The following BCKDHB variants were observed in gnomAD, a reference collection of about 807,000 sequenced individuals.
BCKDHB encodes the protein branched chain keto acid dehydrogenase E1 subunit beta, also known as 2-oxoisovalerate dehydrogenase subunit beta, mitochondrial.
In BCKDHB, 41 loss-of-function variants were observed where a neutral mutation model predicts 48.5. The ratio of observed to expected loss-of-function variants is 0.85; its 90% CI spans 0.66 to 1.10. The LOEUF (loss-of-function observed/expected upper bound fraction) is 1.10. BCKDHB is among the 50% of genes least tolerant of loss of function. BCKDHB has a pLI of 0.00. For missense variants in BCKDHB, 496 were observed against 494.2 expected (o/e 1.00, Z -0.03); for synonymous variants, 201 against 174.8 (o/e 1.15, Z -1.18).
In BCKDHB at chr6:80,167,895, A is replaced by G; in HGVS notation, c.477+84A>G. 3 of 1,327,202 alleles carry G rather than the reference A, an allele frequency of 2.3e-6. No individual in the cohort carries two copies. The South Asian group carries it at 3.7e-5, about 16-fold the overall frequency. 82.2% of individuals were successfully genotyped at this position (1,327,202 alleles called of 1,614,324 possible). On this transcript the variant is annotated intron_variant, in intron 4 of 9. Coordinates refer to ENST00000320393, the MANE Select transcript of BCKDHB (RefSeq NM_183050.4). ...TACCCTTCCACCCACCCTTACCTGC[A>G]TTCTAAACATTTTATTATCCTTTTA... is the stretch of plus-strand genomic sequence containing the variant.
intron 3 of BCKDHB, among the ~76,000 whole-genome samples, chr6:80,140,446 T>C (rs1019535270): frequency 1.3e-5 from 2 of 150,932 alleles, no homozygotes; most frequent in African/African-American, 4.9e-5. Context: ...GGGTTTGTCA[T>C]CGATAGCTCT....
chr6:80,430,022 ATT>A, the BCKDHB span, among the ~76,000 whole-genome samples: 1 of 152,174 alleles, frequency 6.6e-6, no homozygotes, highest in Non-Finnish European at 1.5e-5. Flanking sequence ...AGCTCTTACT[ATT>A]TTGAGATACG....
chr6:80,136,371 T>C (rs758409409), intron 3 of BCKDHB, among the ~76,000 whole-genome samples: 3 of 152,140 alleles, frequency 2.0e-5, no homozygotes, highest in Non-Finnish European at 2.9e-5. Flanking sequence ...GAAAGGACAG[T>C]CTTTTCAACA....
the BCKDHB span, among the ~76,000 whole-genome samples, chr6:80,409,353 C>G: frequency 6.6e-6 from 1 of 151,062 alleles, no homozygotes; most frequent in African/African-American, 2.5e-5. Context: ...AATGTATATT[C>G]TGTTGATTTG....
intron 6 of BCKDHB, among the ~76,000 whole-genome samples, chr6:80,188,775 G>A (rs1773765057): frequency 6.6e-6 from 1 of 152,060 alleles, no homozygotes; most frequent in Non-Finnish European, 1.5e-5. Flanking sequence ...ACCTGCACAT[G>A]TACCCTTGAA....
intron 6 of BCKDHB, among the ~76,000 whole-genome samples, chr6:80,191,065 C>G (rs1761378547): frequency 6.6e-6 from 1 of 152,144 alleles, no homozygotes; most frequent in Admixed American, 6.5e-5. Context: ...ATGGTAGCAG[C>G]TTCCTGATCC....
chr6:80,195,833 C>A (rs1774105536), intron 6 of BCKDHB, among the ~76,000 whole-genome samples: 1 of 152,160 alleles, frequency 6.6e-6, no homozygotes, highest in African/African-American at 2.4e-5. Flanking sequence ...TTTAACAAAC[C>A]AGACAGGCTT....
At chr6:80,449,546 G>T in the BCKDHB span, among the ~76,000 whole-genome samples, 1 of 152,118 alleles carries the variant, frequency 6.6e-6, no homozygotes, top group African/African-American at 2.4e-5. Flanking sequence ...ACGTTAACTT[G>T]TTCTCTATTC....
At chr6:80,183,732 G>T (rs1773517517) in intron 6 of BCKDHB, among the ~76,000 whole-genome samples, 3 of 152,040 alleles carry the variant, frequency 2.0e-5, no homozygotes, top group Admixed American at 6.6e-5. Flanking sequence ...AATTTTCTGT[G>T]CTTCATCTGT....
chr6:80,169,725 T>G, intron 5 of BCKDHB: 1 of 1,257,816 alleles, frequency 8.0e-7, no homozygotes, highest in Non-Finnish European at 1.1e-6. Context: ...AATCCAGAGA[T>G]GTATATTTGT....
chr6:80,357,496 C>T, the BCKDHB span, among the ~76,000 whole-genome samples: 1 of 152,090 alleles, frequency 6.6e-6, no homozygotes, highest in Non-Finnish European at 1.5e-5. Context: ...CCTCTCTTGA[C>T]ATAGAGAAGG....
intron 3 of BCKDHB, among the ~76,000 whole-genome samples, chr6:80,166,677 CAT>C (rs896755987): frequency 2.6e-5 from 4 of 151,538 alleles, no homozygotes; most frequent in Admixed American, 2.6e-4. Flanking sequence ...AAAATTCTAA[CAT>C]AAGAATTTTT....
chr6:80,385,865 T>C, the BCKDHB span, among the ~76,000 whole-genome samples: 8 of 152,188 alleles, frequency 5.3e-5, no homozygotes, highest in Non-Finnish European at 1.2e-4. Flanking sequence ...GGAAGCAACA[T>C]AGAGTTGGAT....
chr6:80,285,301 TGAA>T (rs939891896), intron 9 of BCKDHB, among the ~76,000 whole-genome samples: 1 of 152,186 alleles, frequency 6.6e-6, no homozygotes, highest in African/African-American at 2.4e-5. Flanking sequence ...ATTAAAATAA[TGAA>T]GTACTGCATA....
intron 1 of BCKDHB, among the ~76,000 whole-genome samples, chr6:80,116,269 C>A (rs962574215): frequency 2.0e-5 from 3 of 152,228 alleles, no homozygotes; most frequent in African/African-American, 7.2e-5. Context: ...ATTTGCCCCC[C>A]TCCTGCAGTT....
intron 1 of BCKDHB, among the ~76,000 whole-genome samples, chr6:80,111,227 A>G (rs538040188): frequency 8.5e-4 from 130 of 152,324 alleles, no homozygotes; most frequent in Non-Finnish European, 1.4e-3. Flanking sequence ...ATTTGTATTG[A>G]AAAGAAACTG....
chr6:80,353,286 ATCTTT>A, the BCKDHB span, among the ~76,000 whole-genome samples: 1 of 152,160 alleles, frequency 6.6e-6, no homozygotes, highest in Non-Finnish European at 1.5e-5. Flanking sequence ...TATAATCACC[ATCTTT>A]TCTTTATCCA....
chr6:80,321,979 G>C (rs1207118017), intron 9 of BCKDHB, among the ~76,000 whole-genome samples: 1 of 152,048 alleles, frequency 6.6e-6, no homozygotes, highest in African/African-American at 2.4e-5. Context: ...CCTTTTCTGA[G>C]CACAAGAGAA....
At chr6:80,110,730 G>T (rs1769368161) in intron 1 of BCKDHB, among the ~76,000 whole-genome samples, 1 of 152,222 alleles carries the variant, frequency 6.6e-6, no homozygotes, top group South Asian at 2.1e-4. Context: ...CCAATGGGTG[G>T]ACCTACCAGT....
Sources: allele counts gnomAD v4.1 joint callset (sites outside exome capture counted in the v4.1 genomes callset), GRCh38; gene constraint gnomAD v4.1.1; transcripts MANE v1.5; gene names NCBI Gene and HGNC (gene_info 2026-07-23, HGNC 2026-07-21).